Variants in OVCH2 observed in about 807,000 individuals in gnomAD.
OVCH2 encodes ovochymase-2.
In OVCH2, 88 loss-of-function variants were observed where a neutral mutation model predicts 73.7. That is an observed-to-expected ratio of 1.19 (90% confidence interval 1.01 to 1.43). The LOEUF (loss-of-function observed/expected upper bound fraction) is 1.43, where lower values mean the gene tolerates loss of function less well. Among genes scored for constraint, OVCH2 ranks in the 40% most tolerant of loss-of-function variants. The probability of loss-of-function intolerance (pLI) is 0.00; values close to 1 mark genes in which losing one functional copy is unlikely to be tolerated. For missense variants in OVCH2, 706 were observed against 674.5 expected, an observed-to-expected ratio of 1.05 and a Z score of -0.52; for synonymous variants, 265 against 234.5, an observed-to-expected ratio of 1.13 and a Z score of -1.19.
chr11:7,695,709 T>A lies in OVCH2; in HGVS notation c.1143A>T (p.Gly381=). The change falls in exon 11 of 16, where the codon GGA becomes GGT. Residue 381 remains glycine (G), a splice_region_variant and synonymous_variant. Coordinates refer to ENST00000533663, the MANE Select transcript of OVCH2 (RefSeq NM_198185.7). ...SMYSLEDRPI[G]KFCGESLPSS... ...AAGGGAGGCTTTCTCCACAAAATTT[T>A]CCTGCAGGATGAGAAAAAAGGATTC... 6.3e-7 allele frequency: 1 copy of A among 1,589,358 alleles called. No homozygotes were observed.
intron 8 of OVCH2, among the ~76,000 whole-genome samples, chr11:7,697,385 G>A (rs1203307425): frequency 6.6e-6 from 1 of 152,092 alleles, no homozygotes; most frequent in Non-Finnish European, 1.5e-5. Context: ...ATAAGTGCAG[G>A]TATTTCCCAG....
In OVCH2 at chr11:7,695,040, G is replaced by C. The variant is rs1178985840; in HGVS notation, c.1413+18C>G. On this transcript the variant is annotated intron_variant, in intron 12 of 15. Transcript: ENST00000533663. ...TGTGAATTTACCATAGCTACGTAAG[G>C]ACAGCCAAAGTCAATACCTTAATTA... The C allele has an allele frequency of 1.7e-5, 26 of 1,546,324 alleles. No individual in the cohort carries two copies. The South Asian group carries it at 2.7e-4, about 16-fold the overall frequency.
chr11:7,684,506 A>G (rs1330932588), downstream of OVCH2, among the ~76,000 whole-genome samples: 4 of 141,342 alleles, frequency 2.8e-5, no homozygotes, highest in South Asian at 2.4e-4. Flanking sequence ...ATACATACAT[A>G]TGTGTGTGTG....
chr11:7,684,787 C>G (rs559954290), downstream of OVCH2, among the ~76,000 whole-genome samples: 14 of 152,112 alleles, frequency 9.2e-5, no homozygotes, highest in African/African-American at 3.4e-4. Flanking sequence ...TTGCCTAGTG[C>G]TGAGGAGCTT....
chr11:7,685,043 A>T (rs1225848462), downstream of OVCH2, among the ~76,000 whole-genome samples: 1 of 152,180 alleles, frequency 6.6e-6, no homozygotes, highest in Non-Finnish European at 1.5e-5. Flanking sequence ...AGAAATTCTC[A>T]TGGAGGGTAA....
intron 12 of OVCH2, among the ~76,000 whole-genome samples, chr11:7,693,082 T>A (rs970539182): frequency 1.3e-5 from 2 of 152,192 alleles, no homozygotes; most frequent in Non-Finnish European, 2.9e-5. Flanking sequence ...TAAAGAGTGA[T>A]CTTGGAGCAG....
At chr11:7,701,920 T>A in intron 4 of OVCH2, 109 bp from the exon 5 acceptor site, 1 of 963,130 alleles carries the variant, frequency 1.0e-6, no homozygotes, top group Non-Finnish European at 1.6e-6. Context: ...ATGAGAGTTG[T>A]GATAGCTCTG....
At chr11:7,692,390 T>C (rs537299502) in intron 12 of OVCH2, among the ~76,000 whole-genome samples, 2 of 152,306 alleles carry the variant, frequency 1.3e-5, no homozygotes, top group Admixed American at 1.3e-4. Context: ...TGATGTTTCA[T>C]CTTGAACCTC....
rs1856180766 is a variant in OVCH2, at chr11:7,689,563, G to A, written c.*71C>T. ...GAGTCTGCCCCAAGCCTCTCCTCTAGCTTCTGGTGGTTTACTGACAGTCAC... is the reference window on the plus strand; with the variant it reads ...GAGTCTGCCCCAAGCCTCTCCTCTAACTTCTGGTGGTTTACTGACAGTCAC... On this transcript the variant is annotated 3_prime_UTR_variant, in exon 16 of 16. Coordinates refer to ENST00000533663, the MANE Select transcript of OVCH2 (RefSeq NM_198185.7). The A allele has an allele frequency of 1.5e-5, 7 of 459,546 alleles. No individual in the cohort carries two copies. Among genetic ancestry groups the A allele is most frequent in the Middle Eastern group, 6.5e-4 (2 of 3,082 alleles). 28.5% of individuals were successfully genotyped at this position (459,546 alleles called of 1,614,324 possible).
chr11:7,693,055 G>A (rs1277206666), intron 12 of OVCH2, among the ~76,000 whole-genome samples: 1 of 152,186 alleles, frequency 6.6e-6, no homozygotes, highest in Non-Finnish European at 1.5e-5. Context: ...CAGTGTGAAG[G>A]AGAAACAAAG....
At chr11:7,703,428 GCT>G (rs995394936) in intron 3 of OVCH2, among the ~76,000 whole-genome samples, 7 of 152,086 alleles carry the variant, frequency 4.6e-5, no homozygotes, top group African/African-American at 1.7e-4. Flanking sequence ...TCTTTGTAAT[GCT>G]CTTTTTTTTC....
chr11:7,696,371 T>C (rs1261304947), intron 10 of OVCH2, 94 bp downstream of exon 10: 2 of 1,515,722 alleles, frequency 1.3e-6, no homozygotes, highest in Non-Finnish European at 1.8e-6. Context: ...AAGTGTGGCA[T>C]TTACAGATGG....
intron 12 of OVCH2, among the ~76,000 whole-genome samples, chr11:7,694,244 A>G (rs1415239760): frequency 6.6e-6 from 1 of 152,280 alleles, no homozygotes; most frequent in East Asian, 1.9e-4. Context: ...CTCCCTGATG[A>G]TATCTCTCTG....
At chr11:7,680,048 GATC>G in the OVCH2 span, among the ~76,000 whole-genome samples, 33,157 of 151,994 alleles carry the variant, frequency 0.22, 3,729 homozygotes, top group Admixed American at 0.27. Flanking sequence ...ATTAGAAAAT[GATC>G]AACATAACTA....
At chr11:7,688,304 T>C (rs972571941), downstream of OVCH2, among the ~76,000 whole-genome samples, 1 of 152,174 alleles carries the variant, frequency 6.6e-6, no homozygotes, top group African/African-American at 2.4e-5. Context: ...ATCCCACAGG[T>C]AAATTGACAG....
intron 13 of OVCH2, 129 bp from the exon 14 acceptor site, chr11:7,691,529 T>C: frequency 7.8e-7 from 1 of 1,275,882 alleles, no homozygotes; most frequent in Non-Finnish European, 1.1e-6. Flanking sequence ...CAATTCATTT[T>C]CTAAATAAAG....
chr11:7,692,938 G>C (rs1448553005), intron 12 of OVCH2, among the ~76,000 whole-genome samples: 1 of 152,182 alleles, frequency 6.6e-6, no homozygotes, highest in African/African-American at 2.4e-5. Flanking sequence ...AAACTTGGCA[G>C]TGAATATCTT....
At chr11:7,686,524 A>G (rs532534714), downstream of OVCH2, among the ~76,000 whole-genome samples, 4 of 152,362 alleles carry the variant, frequency 2.6e-5, no homozygotes, top group Non-Finnish European at 4.4e-5. Flanking sequence ...AACGACAGAC[A>G]TTTGTTGTTA....
intron 8 of OVCH2, chr11:7,697,020 TTC>T: frequency 1.9e-6 from 1 of 533,732 alleles, no homozygotes; most frequent in Non-Finnish European, 3.3e-6. Flanking sequence ...TCCTTAACTC[TTC>T]TCTCTCTTTT....
Sources: allele counts gnomAD v4.1 joint callset (sites outside exome capture counted in the v4.1 genomes callset), GRCh38; gene constraint gnomAD v4.1.1; transcripts MANE v1.5; gene names NCBI Gene and HGNC (gene_info 2026-07-23, HGNC 2026-07-21).